Variants in TNRC6A observed in about 807,000 individuals in gnomAD.
The protein encoded by TNRC6A is trinucleotide repeat containing adaptor 6A.
A neutral mutation model predicts 221.2 loss-of-function variants in TNRC6A; 44 were observed. The ratio of observed to expected loss-of-function variants is 0.20; its 90% confidence interval spans 0.16 to 0.26. The LOEUF is 0.26. Among genes scored for constraint, TNRC6A ranks in the 10% least tolerant of loss-of-function variants. TNRC6A has a pLI of 1.00. For synonymous variants in TNRC6A, 847 were observed against 838.5 expected, an observed-to-expected ratio of 1.01 and a Z score of -0.18; for missense variants, 2,199 against 2,404.4, an observed-to-expected ratio of 0.91 and a Z score of 1.79.
chr16:24,692,299 G>A (rs2055771130), intron 2 of TNRC6A, among the ~76,000 whole-genome samples: 1 of 152,210 alleles, frequency 6.6e-6, no homozygotes, highest in South Asian at 2.1e-4. Flanking sequence ...GGCCGGGAGT[G>A]GTGGCTCACA....
chr16:24,707,347 G>GGC (rs752180896), intron 2 of TNRC6A, among the ~76,000 whole-genome samples: 12 of 76,090 alleles, frequency 1.6e-4, no homozygotes, highest in South Asian at 1.2e-3. Context: ...GGGGAACATG[G>GGC]GCGCACACAC....
chr16:24,737,391 A>C (rs1476135705), intron 2 of TNRC6A, among the ~76,000 whole-genome samples: 1 of 152,228 alleles, frequency 6.6e-6, no homozygotes, highest in African/African-American at 2.4e-5. Context: ...AAATAAATAT[A>C]GTTTAAATTT....
chr16:24,786,835 C>T (rs1567471938), intron 5 of TNRC6A, among the ~76,000 whole-genome samples: 1 of 152,148 alleles, frequency 6.6e-6, no homozygotes, highest in Non-Finnish European at 1.5e-5. Context: ...GCGCCTGCCA[C>T]CACGTCCGGC....
Position 24,648,274 on chromosome 16 carries a change from C to CTTTTTTTTT in TNRC6A, n.402+7272_402+7280dup, listed in dbSNP as rs71156430. Among the ~76,000 whole-genome samples, 218 of 97,844 alleles carry CTTTTTTTTT rather than the reference C, an allele frequency of 2.2e-3. 30 individuals are homozygous for CTTTTTTTTT. The highest frequency in any genetic ancestry group is 0.012 in the East Asian group (46 of 3,850). 64.2% of individuals were successfully genotyped at this position (97,844 alleles called of 152,430 possible). ...GCAATTGTACCACTTTCCACAGCAA[C>CTTTTTTTTT]TTTTTTTTTTTTTTTGAGATGGAGT... is the stretch of plus-strand genomic sequence containing the variant. On this transcript the variant is annotated intron_variant and non_coding_transcript_variant, in intron 2 of 2. Coordinates refer to the TNRC6A transcript ENST00000566108.
At chr16:24,723,063 T>G (rs532817109) in intron 2 of TNRC6A, among the ~76,000 whole-genome samples, 2 of 152,138 alleles carry the variant, frequency 1.3e-5, no homozygotes, top group Non-Finnish European at 2.9e-5. Flanking sequence ...AATTTTGACA[T>G]GTCAGCCTGA....
At chr16:24,690,710 G>T (rs138534676) in intron 2 of TNRC6A, among the ~76,000 whole-genome samples, 2 of 152,174 alleles carry the variant, frequency 1.3e-5, no homozygotes, top group African/African-American at 4.8e-5. Flanking sequence ...TGCCAAACCA[G>T]TAGGGTAATG....
At chr16:24,745,522 A>G (rs2056986699) in intron 2 of TNRC6A, among the ~76,000 whole-genome samples, 1 of 152,214 alleles carries the variant, frequency 6.6e-6, no homozygotes, top group South Asian at 2.1e-4. Flanking sequence ...AGCTTGTAAC[A>G]TACAGCTGGC....
chr16:24,684,360 C>T (rs926036673), intron 2 of TNRC6A, among the ~76,000 whole-genome samples: 16 of 151,914 alleles, frequency 1.1e-4, no homozygotes, highest in Admixed American at 9.8e-4. Flanking sequence ...GAGCTGAGAT[C>T]GAGCCACCGC....
intron 2 of TNRC6A, among the ~76,000 whole-genome samples, chr16:24,706,585 G>A (rs980073311): frequency 1.3e-5 from 2 of 151,248 alleles, no homozygotes; most frequent in Admixed American, 6.6e-5. Context: ...GCGTAGTGGC[G>A]GGCGCCTGAA....
chr16:24,797,535 C>G lies in TNRC6A; in HGVS notation c.3607C>G (p.Pro1203Ala), dbSNP rs749593212. 4 of 1,611,930 alleles carry G rather than the reference C, an allele frequency of 2.5e-6. No individual in the cohort carries two copies. The South Asian group carries it at 4.4e-5, about 18-fold the overall frequency. Residue 1203 changes from proline (P) to alanine (A), a missense_variant, in exon 10 of 25, where the codon CCA becomes GCA. Coordinates refer to ENST00000395799, the MANE Select transcript of TNRC6A (RefSeq NM_014494.4). ...GNKQEEAWIN[P>A]FVKQFSNISF... The stretch of plus-strand genomic sequence containing the variant: ...CAAACAAGAAGAAGCGTGGATAAAT[C>G]CATTTGTTAAACAGTTTTCAAACAT...
chr16:24,768,453 AT>A (rs1402287941), intron 4 of TNRC6A, among the ~76,000 whole-genome samples: 5 of 151,204 alleles, frequency 3.3e-5, no homozygotes, highest in African/African-American at 4.9e-5. Context: ...AAAAAAAAAA[AT>A]CTTAATTGCA....
intron 11 of TNRC6A, among the ~76,000 whole-genome samples, chr16:24,800,525 G>A (rs2058311120): frequency 6.6e-6 from 1 of 152,224 alleles, no homozygotes; most frequent in African/African-American, 2.4e-5. Flanking sequence ...AAGGCATCCT[G>A]TGAGGCTGTG....
At chr16:24,742,233 G>A (rs768393266) in intron 2 of TNRC6A, among the ~76,000 whole-genome samples, 3 of 152,192 alleles carry the variant, frequency 2.0e-5, no homozygotes, top group African/African-American at 7.2e-5. Flanking sequence ...AGTTTGAGAC[G>A]TCTCATAAAT....
chr16:24,663,852 C>T (rs138376090), intron 2 of TNRC6A: 1 of 451,750 alleles, frequency 2.2e-6, no homozygotes, highest in East Asian at 7.0e-5. Context: ...GCATCAACTA[C>T]CCGGCATGGC....
chr16:24,749,244 G>A (rs967843903), intron 2 of TNRC6A, among the ~76,000 whole-genome samples: 1 of 152,098 alleles, frequency 6.6e-6, no homozygotes. Flanking sequence ...TTGCCCAGTA[G>A]ACTCCTTCCC....
intron 19 of TNRC6A, 104 bp downstream of exon 19, chr16:24,815,409 T>G: frequency 7.5e-7 from 1 of 1,335,340 alleles, no homozygotes; most frequent in Non-Finnish European, 1.0e-6. Context: ...GTGCTTAGAC[T>G]GACGTGTGCG....
Position 24,793,647 on chromosome 16 carries a change from C to T in TNRC6A, c.3350C>T (p.Ser1117Phe), listed in dbSNP as rs778533065. The T allele has an allele frequency of 2.0e-6, 3 of 1,474,604 alleles. No homozygotes were observed. Among genetic ancestry groups the T allele is most frequent in the African/African-American group, 2.8e-5 (2 of 71,034 alleles). 91.3% of individuals were successfully genotyped at this position (1,474,604 alleles called of 1,614,324 possible). A position where few individuals can be genotyped will look rare whatever the true frequency, so the allele number is the denominator to read the frequency against. ...SSVGPQALSKSGPKSMQDGWC... is the reference protein window; with the variant it reads ...SSVGPQALSKFGPKSMQDGWC... The stretch of plus-strand genomic sequence containing the variant: ...GTTGGTCCACAAGCATTAAGCAAAT[C>T]TGGTAAGTTATTGACAATGCCTGGT... Residue 1117 changes from serine to phenylalanine, a missense_variant and splice_region_variant, in exon 7 of 25, where the codon TCT (serine) becomes TTT (phenylalanine). Coordinates refer to ENST00000395799, the MANE Select transcript of TNRC6A (RefSeq NM_014494.4).
At chr16:24,674,680 C>A (rs1361832119) in intron 2 of TNRC6A, among the ~76,000 whole-genome samples, 1 of 140,260 alleles carries the variant, frequency 7.1e-6, no homozygotes, top group Non-Finnish European at 1.5e-5. Context: ...TATTCTCTTA[C>A]AACACTGCCC....
intron 20 of TNRC6A, 24 bp downstream of exon 20, chr16:24,816,980 T>C: frequency 6.2e-7 from 1 of 1,605,320 alleles, no homozygotes; most frequent in Non-Finnish European, 8.5e-7. Context: ...GCAAATCAAT[T>C]TCTGAGTGAC....
Sources: allele counts gnomAD v4.1 joint callset (sites outside exome capture counted in the v4.1 genomes callset), GRCh38; gene constraint gnomAD v4.1.1; transcripts MANE v1.5; gene names NCBI Gene and HGNC (gene_info 2026-07-23, HGNC 2026-07-21).